The following GABRG2 variants were observed in gnomAD, a reference collection of about 807,000 sequenced individuals.
GABRG2 encodes the protein gamma-aminobutyric acid type A receptor subunit gamma2, also known as gamma-aminobutyric acid receptor subunit gamma-2.
GABRG2 carries 16 observed loss-of-function variants against 56.4 expected under a neutral mutation model. The observed-to-expected ratio is 0.28, with a 90% CI of 0.19 to 0.43. The LOEUF is 0.43. Among genes scored for constraint, GABRG2 ranks in the 20% least tolerant of loss-of-function variants. The pLI is 1.00. For synonymous variants in GABRG2, 208 were observed against 205.5 expected (o/e 1.01, Z -0.10); for missense variants, 327 against 582.7 (o/e 0.56, Z 4.52).
intron 6 of GABRG2, among the ~76,000 whole-genome samples, chr5:162,138,185 T>G (rs1489047025): frequency 6.6e-6 from 1 of 152,202 alleles, no homozygotes; most frequent in African/African-American, 2.4e-5. Flanking sequence ...TATATAGATA[T>G]TCTATAGTTT....
chr5:162,072,650 C>T (rs1758765256), intron 1 of GABRG2, among the ~76,000 whole-genome samples: 1 of 151,994 alleles, frequency 6.6e-6, no homozygotes, highest in Non-Finnish European at 1.5e-5. Context: ...ATTTTATGCG[C>T]TGCTTGTGTC....
chr5:162,142,326 C>T lies in GABRG2; in HGVS notation c.922+10C>T. 6.2e-7 allele frequency: 1 copy of T among 1,613,814 alleles called. No individual in the cohort carries two copies. The highest frequency in any genetic ancestry group is 8.5e-7 in the Non-Finnish European group (1 of 1,179,858). On this transcript the variant is annotated intron_variant, in intron 7 of 9. Coordinates refer to ENST00000639213, the MANE Select transcript of GABRG2 (RefSeq NM_198904.4). ...GCCAGAACATCTTTAGGTGAGACAC[C>T]TTTGTTTATGTTGCAGTTTCTCAAG...
chr5:162,086,848 G>A (rs1334023828), intron 1 of GABRG2, among the ~76,000 whole-genome samples: 2 of 151,962 alleles, frequency 1.3e-5, no homozygotes, highest in South Asian at 2.1e-4. Context: ...CAATTTTACT[G>A]TTGACTTGAG....
At chr5:162,135,183 T>A (rs1764031532) in intron 6 of GABRG2, among the ~76,000 whole-genome samples, 1 of 152,120 alleles carries the variant, frequency 6.6e-6, no homozygotes, top group South Asian at 2.1e-4. Flanking sequence ...TTACTAAACA[T>A]AATGCAGCCA....
intron 1 of GABRG2, among the ~76,000 whole-genome samples, chr5:162,090,509 C>G (rs1020418639): frequency 6.6e-6 from 1 of 152,060 alleles, no homozygotes; most frequent in Admixed American, 6.6e-5. Flanking sequence ...TTCTGGCAAG[C>G]TCCCATGCAA....
At chr5:162,116,110 A>G (rs12520033) in intron 6 of GABRG2, among the ~76,000 whole-genome samples, 20,428 of 127,904 alleles carry the variant, frequency 0.16, 2,018 homozygotes, top group African/African-American at 0.17. Flanking sequence ...GTGTGCGTGC[A>G]TGTGTGTGTG....
In GABRG2 at chr5:162,153,336, C is replaced by G. The variant is rs1333747173; in HGVS notation, c.1396C>G (p.Leu466Val). Residue 466 changes from leucine to valine, a missense_variant, in exon 10 of 10, where the codon CTG (leucine) becomes GTG (valine). Physicochemically the swap from Leu to Val is conservative, Grantham distance 32. Around this residue, in one of 4 missense-constraint regions of GABRG2, gnomAD observed 108 missense variants for 144.2 expected, o/e 0.75. Transcript: ENST00000639213. ...FFPTAFCLFN[L>V]VYWVSYLYL ...CCCCACTGCCTTCTGCCTGTTTAATCTGGTCTATTGGGTCTCCTACCTCTA... is the reference window on the plus strand; with the variant it reads ...CCCCACTGCCTTCTGCCTGTTTAATGTGGTCTATTGGGTCTCCTACCTCTA... The G allele has an allele frequency of 6.2e-7, 1 of 1,614,016 alleles. No homozygotes were observed. Among genetic ancestry groups the G allele is most frequent in the Non-Finnish European group, 8.5e-7 (1 of 1,179,938 alleles).
At chr5:162,149,963 A>G (rs1322042116) in intron 8 of GABRG2, 1 of 209,602 alleles carries the variant, frequency 4.8e-6, no homozygotes, top group Non-Finnish European at 9.8e-6. Flanking sequence ...CTTCCATCTC[A>G]GGCATTCCAC....
chr5:162,145,784 T>C (rs540415993), intron 7 of GABRG2, among the ~76,000 whole-genome samples: 12 of 152,198 alleles, frequency 7.9e-5, no homozygotes, highest in Non-Finnish European at 1.6e-4. Context: ...TTTTCACTTG[T>C]CGAGGGTCAA....
At chr5:162,130,071 G>A (rs568360420) in intron 6 of GABRG2, among the ~76,000 whole-genome samples, 14 of 151,816 alleles carry the variant, frequency 9.2e-5, no homozygotes, top group Non-Finnish European at 1.5e-4. Flanking sequence ...GAGCTTTTTC[G>A]AACCAACTCT....
In GABRG2 at chr5:162,104,046, A is replaced by C. The variant is rs182866753; in HGVS notation, c.769+20A>C. ...CTTCCGGTAAGATGCACTGGCAAAG[A>C]ATTTCAAGTGACCCTTCCAGAGTTG... is the stretch of plus-strand genomic sequence containing the variant. On this transcript the variant is annotated intron_variant, in intron 6 of 9. Coordinates refer to ENST00000639213, the MANE Select transcript of GABRG2 (RefSeq NM_198904.4). 2.9e-5 allele frequency: 47 copies of C among 1,613,626 alleles called. No homozygotes were observed. The African/African-American group carries it at 6.1e-4, about 21-fold the overall frequency.
chr5:162,142,374 T>G lies in GABRG2; in HGVS notation c.922+58T>G, dbSNP rs575612276. On this transcript the variant is annotated intron_variant, in intron 7 of 9. Transcript: ENST00000639213. ...AAGATAAGTACCAAATACAAGTAAT[T>G]TTTATGTCCATTTCTATGTTGATCT... 746 of 1,541,318 alleles carry G rather than the reference T, an allele frequency of 4.8e-4. 3 individuals carry two copies. The South Asian group carries it at 5.6e-3, about 12-fold the overall frequency.
At position 162,103,893 on chromosome 5, in the gene GABRG2, C is replaced by T. The variant is rs1328801015; in HGVS notation, c.636C>T (p.Gly212=). ...AGCTTTCCTATCTCACGGCAGATGGCTATCCACGTGAAGAAATTGTTTATC... is the reference window on the plus strand; with the variant it reads ...AGCTTTCCTATCTCACGGCAGATGGTTATCCACGTGAAGAAATTGTTTATC... ...HSCPLEFSSY[G]YPREEIVYQW... The change falls in exon 6 of 10, where the codon GGC becomes GGT. Residue 212 remains glycine, a synonymous_variant. Coordinates refer to ENST00000639213, the MANE Select transcript of GABRG2 (RefSeq NM_198904.4). 2 of 1,613,894 alleles carry T rather than the reference C, an allele frequency of 1.2e-6. No individual in the cohort carries two copies. The highest frequency in any genetic ancestry group is 1.1e-5 in the South Asian group (1 of 91,082).
chr5:162,090,080 C>A (rs765898339), intron 1 of GABRG2, among the ~76,000 whole-genome samples: 23 of 152,068 alleles, frequency 1.5e-4, no homozygotes, highest in Non-Finnish European at 3.1e-4. Flanking sequence ...ATTTTTACTT[C>A]TAATTACAAG....
chr5:162,094,719 C>CCGGTTATAGAGAATT (rs1490645878), intron 2 of GABRG2: 1 of 152,310 alleles, frequency 6.6e-6, no homozygotes, highest in Admixed American at 6.6e-5. Context: ...AGAATTCAGT[C>CCGGTTATAGAGAATT]CACCACAGTG....
chr5:162,069,746 T>C (rs1758520094), intron 1 of GABRG2, among the ~76,000 whole-genome samples: 1 of 152,220 alleles, frequency 6.6e-6, no homozygotes, highest in Non-Finnish European at 1.5e-5. Context: ...TTATATGTAA[T>C]ACAATTTGGT....
At chr5:162,119,111 C>T (rs1045998992) in intron 6 of GABRG2, among the ~76,000 whole-genome samples, 2 of 151,982 alleles carry the variant, frequency 1.3e-5, no homozygotes, top group Non-Finnish European at 2.9e-5. Context: ...GGATGAAAGA[C>T]AATTTGAAAT....
intron 6 of GABRG2, among the ~76,000 whole-genome samples, chr5:162,126,663 C>T (rs1216061624): frequency 6.6e-6 from 1 of 151,954 alleles, no homozygotes; most frequent in African/African-American, 2.4e-5. Context: ...CATCTTTCTC[C>T]ACCTTCCCCT....
At chr5:162,100,749 A>G (rs554273308) in intron 4 of GABRG2, among the ~76,000 whole-genome samples, 49 of 152,314 alleles carry the variant, frequency 3.2e-4, no homozygotes, top group African/African-American at 1.0e-3. Context: ...TGTGCAACAC[A>G]GGTATTTGTA....
Sources: allele counts gnomAD v4.1 joint callset (sites outside exome capture counted in the v4.1 genomes callset), GRCh38; gene constraint gnomAD v4.1.1; regional missense constraint gnomAD v4.1.1; transcripts MANE v1.5; gene names NCBI Gene and HGNC (gene_info 2026-07-23, HGNC 2026-07-21).